FGF13: variants seen among roughly 807,000 people sequenced by gnomAD.
FGF13 encodes the protein fibroblast growth factor homologous factor 2.
FGF13 carries 2 observed loss-of-function variants against 19.5 expected under a neutral mutation model. The observed-to-expected ratio is 0.10, with a 90% CI of 0.04 to 0.32. The LOEUF (loss-of-function observed/expected upper bound fraction) is 0.32. FGF13 is among the 10% of genes least tolerant of loss of function. The pLI, the probability that FGF13 is intolerant of heterozygous loss-of-function variation, is 1.00. For missense variants in FGF13, 113 were observed against 192.7 expected (o/e 0.59, Z 2.45); for synonymous variants, 72 against 76.9 (o/e 0.94, Z 0.33).
In FGF13 at chrX:138,887,760, C is replaced by T. The variant is rs367653380; in HGVS notation, c.-112-23110G>A. Among the ~76,000 whole-genome samples, 84 of 112,121 alleles carry T rather than the reference C, an allele frequency of 7.5e-4. 3 individuals carry two copies. The South Asian group carries it at 0.031, about 41-fold the overall frequency. On this transcript the variant is annotated intron_variant, in intron 1 of 2. Coordinates refer to the FGF13 transcript ENST00000421460. ...GGGATGATGATAGTTACCCTGCCTC[C>T]CTGTCAAGGTTATTTAAAGACTGAG...
chrX:139,084,781 C>A (rs2083393359), intron 1 of FGF13, among the ~76,000 whole-genome samples: 1 of 112,342 alleles, frequency 8.9e-6, no homozygotes, highest in South Asian at 3.6e-4. Context: ...TGTTCCTCTG[C>A]ACAGAATAAA....
At chrX:139,090,200 C>T (rs2083430556) in intron 1 of FGF13, among the ~76,000 whole-genome samples, 1 of 111,827 alleles carries the variant, frequency 8.9e-6, no homozygotes, top group Admixed American at 9.5e-5. Context: ...AAGTAACTTG[C>T]TTAACCCTAA....
In FGF13 at chrX:139,041,327, A is replaced by G. The variant is rs184548003; in HGVS notation, c.-113+162089T>C. On this transcript the variant is annotated intron_variant, in intron 1 of 2. Transcript: ENST00000421460. ...AAGGATGTTGTTTTTTTAATTTCCT[A>G]TTATGTAGAATAGAATGAGCAGATC... is the stretch of plus-strand genomic sequence containing the variant. Among the ~76,000 whole-genome samples, 70 of 111,290 alleles carry G rather than the reference A, an allele frequency of 6.3e-4. 2 individuals carry two copies. Among genetic ancestry groups the G allele is most frequent in the African/African-American group, 2.3e-3 (69 of 30,511 alleles).
intron 3 of FGF13, among the ~76,000 whole-genome samples, chrX:138,822,323 G>A (rs931316794): frequency 8.9e-6 from 1 of 111,846 alleles, no homozygotes; most frequent in African/African-American, 3.2e-5. Context: ...GAAATCTTTC[G>A]AGACACCTCA....
intron 1 of FGF13, among the ~76,000 whole-genome samples, chrX:138,738,508 C>T (rs2090296477): frequency 8.9e-6 from 1 of 111,843 alleles, no homozygotes; most frequent in Non-Finnish European, 1.9e-5. Flanking sequence ...CCCTGTCCTG[C>T]TCTTTTCAAA....
At chrX:138,991,345 G>A (rs937744992) in intron 1 of FGF13, among the ~76,000 whole-genome samples, 5 of 112,047 alleles carry the variant, frequency 4.5e-5, no homozygotes, top group African/African-American at 1.6e-4. Flanking sequence ...CTCATATATT[G>A]CATGCCTACT....
intron 3 of FGF13, among the ~76,000 whole-genome samples, chrX:138,848,738 T>C (rs982201820): frequency 5.4e-5 from 6 of 111,755 alleles, no homozygotes; most frequent in Non-Finnish European, 1.1e-4. Context: ...GCGTCAGTAG[T>C]ATTTAAATAT....
chrX:138,983,414 T>TTTTATATATATATA (rs2091972215), intron 1 of FGF13, among the ~76,000 whole-genome samples: 1 of 81,196 alleles, frequency 1.2e-5, no homozygotes, highest in Non-Finnish European at 2.4e-5. Context: ...TAAGTTGATC[T>TTTTATATATATATA]TATATATATA....
chrX:138,659,904 G>A (rs1440116437), intron 3 of FGF13, among the ~76,000 whole-genome samples: 2 of 110,534 alleles, frequency 1.8e-5, no homozygotes, highest in East Asian at 5.7e-4. Context: ...ACTGGGGCCT[G>A]TTGGCAGGTG....
intron 3 of FGF13, among the ~76,000 whole-genome samples, chrX:138,654,604 G>A (rs898636643): frequency 1.8e-5 from 2 of 111,108 alleles, no homozygotes; most frequent in Non-Finnish European, 3.8e-5. Flanking sequence ...ATCTGGGCGT[G>A]GTGGCACTCA....
intron 1 of FGF13, among the ~76,000 whole-genome samples, chrX:138,964,863 C>A (rs754904316): frequency 6.3e-5 from 7 of 111,293 alleles, no homozygotes; most frequent in Admixed American, 5.7e-4. Flanking sequence ...CATGAGAGAT[C>A]CACTCCCATG....
chrX:138,910,831 A>G (rs932098501), intron 1 of FGF13, among the ~76,000 whole-genome samples: 3 of 112,204 alleles, frequency 2.7e-5, no homozygotes, highest in African/African-American at 9.7e-5. Context: ...AATAGCAAGA[A>G]CCAGGATTGA....
chrX:138,991,698 A>G (rs2092016080), intron 1 of FGF13, among the ~76,000 whole-genome samples: 1 of 112,300 alleles, frequency 8.9e-6, no homozygotes, highest in African/African-American at 3.2e-5. Flanking sequence ...AAGACAATCA[A>G]TAAGGGAAAG....
chrX:138,798,448 G>C (rs2090797250), intron 3 of FGF13, among the ~76,000 whole-genome samples: 1 of 111,881 alleles, frequency 8.9e-6, no homozygotes, highest in Non-Finnish European at 1.9e-5. Context: ...TTGATGTGTT[G>C]CTGGATTCGG....
At chrX:138,639,443 G>A (rs950217959) in intron 3 of FGF13, among the ~76,000 whole-genome samples, 1 of 112,092 alleles carries the variant, frequency 8.9e-6, no homozygotes, top group Non-Finnish European at 1.9e-5. Flanking sequence ...TTAAAAAGAT[G>A]TCATGCATTC....
chrX:139,202,968 G>A (rs959983989), intron 1 of FGF13, among the ~76,000 whole-genome samples: 2 of 111,995 alleles, frequency 1.8e-5, no homozygotes, highest in Admixed American at 9.3e-5. Context: ...TTGCACCTAA[G>A]GCACCTGCTG....
intron 1 of FGF13, among the ~76,000 whole-genome samples, chrX:138,948,015 C>A (rs2091790750): frequency 1.8e-5 from 2 of 111,622 alleles, no homozygotes; most frequent in African/African-American, 6.5e-5. Flanking sequence ...GCCAACTCTG[C>A]CAACAACTTG....
intron 3 of FGF13, among the ~76,000 whole-genome samples, chrX:138,761,941 C>G (rs2090470504): frequency 9.1e-6 from 1 of 109,450 alleles, no homozygotes; most frequent in Non-Finnish European, 1.9e-5. Flanking sequence ...CTCTTCTTGC[C>G]TTTTTTCTCT....
intron 1 of FGF13, among the ~76,000 whole-genome samples, chrX:139,031,906 T>C: frequency 9.0e-6 from 1 of 110,508 alleles, no homozygotes. Flanking sequence ...GGTTAGATTA[T>C]TAAAAAAAGA....
Sources: allele counts gnomAD v4.1 joint callset (sites outside exome capture counted in the v4.1 genomes callset), GRCh38; gene constraint gnomAD v4.1.1; transcripts MANE v1.5; gene names NCBI Gene and HGNC (gene_info 2026-07-23, HGNC 2026-07-21).